PRR11: variants seen among roughly 807,000 people sequenced by gnomAD.
PRR11 encodes proline-rich protein 11.
PRR11 carries 30 observed loss-of-function variants against 45.6 expected under a neutral mutation model. That is an observed-to-expected ratio of 0.66 (90% CI 0.49 to 0.89). PRR11 has a LOEUF of 0.89. PRR11 is among the 40% of genes least tolerant of loss of function. PRR11 has a pLI of 0.00. For synonymous variants in PRR11, 128 were observed against 153.5 expected (o/e 0.83, Z 1.23); for missense variants, 373 against 424.8 (o/e 0.88, Z 1.07).
intron 2 of PRR11, among the ~76,000 whole-genome samples, chr17:59,183,652 C>G (rs1189942606): frequency 6.6e-6 from 1 of 152,128 alleles, no homozygotes; most frequent in Non-Finnish European, 1.5e-5. Flanking sequence ...TCAGGGAGTC[C>G]ATGGATTACC....
chr17:59,184,850 GTTTTTTTTTTT>G lies in PRR11; in HGVS notation c.129-188_129-178del, dbSNP rs5821252. Among the ~76,000 whole-genome samples the G allele has an allele frequency of 8.3e-5, 6 of 72,708 alleles. No individual in the cohort carries two copies. In the South Asian group the frequency reaches 1.7e-3, roughly 20 times the overall value. The allele number at this position is 72,708 out of a possible 152,430, so 47.7% of individuals were successfully genotyped here. On this transcript the variant is annotated intron_variant, in intron 2 of 9. Coordinates refer to ENST00000262293, the MANE Select transcript of PRR11 (RefSeq NM_018304.4). ...CTGGCACACCACCATGCCTGATTAA[GTTTTTTTTTTT>G]TTTTTTTTTTTTTTTGGCAGGGACA...
At position 59,180,730 on chromosome 17, in the gene PRR11, A is replaced by T. The variant is rs1249135185; in HGVS notation, c.129-4324A>T. Reference sequence around the variant, plus strand: ...TATATTGGTCAGGCTGGTCTCGAACAACTGACCTCAGGTGATCCACCCGCC... The same window carrying T: ...TATATTGGTCAGGCTGGTCTCGAACTACTGACCTCAGGTGATCCACCCGCC... On this transcript the variant is annotated intron_variant, in intron 2 of 9. Transcript: ENST00000262293. Among the ~76,000 whole-genome samples, 5 of 149,416 alleles carry T rather than the reference A, an allele frequency of 3.3e-5. 1 individual carries two copies. Among genetic ancestry groups the T allele is most frequent in the African/African-American group, 1.2e-4 (5 of 40,160 alleles).
At chr17:59,173,152 T>A (rs953717693) in intron 2 of PRR11, among the ~76,000 whole-genome samples, 16 of 152,222 alleles carry the variant, frequency 1.1e-4, no homozygotes, top group African/African-American at 3.9e-4. Context: ...GCTAATCTAG[T>A]GGGGACATGG....
chr17:59,173,823 G>T (rs570524389), intron 2 of PRR11, among the ~76,000 whole-genome samples: 1 of 152,148 alleles, frequency 6.6e-6, no homozygotes, highest in Admixed American at 6.6e-5. Flanking sequence ...TAGATGATCT[G>T]CACAAATGGC....
At chr17:59,165,054 T>C (rs575192471) in intron 1 of PRR11, among the ~76,000 whole-genome samples, 3 of 152,246 alleles carry the variant, frequency 2.0e-5, no homozygotes, top group East Asian at 3.9e-4. Context: ...AGAGTCTCGC[T>C]CCGTCGCCCA....
chr17:59,184,903 C>A, intron 2 of PRR11, 151 bp from the exon 3 acceptor site: 1 of 212,514 alleles, frequency 4.7e-6, no homozygotes, highest in East Asian at 8.0e-5. Flanking sequence ...TGCCATGTTG[C>A]CGAGGCTAGT....
chr17:59,195,414 G>A lies in PRR11; in HGVS notation c.828G>A (p.Val276=), dbSNP rs1267992061. 1.2e-6 allele frequency: 2 copies of A among 1,612,550 alleles called. No homozygotes were observed. Among genetic ancestry groups the A allele is most frequent in the Non-Finnish European group, 1.7e-6 (2 of 1,178,700 alleles). Residue 276 remains valine (V), a synonymous_variant, in exon 7 of 10, where the codon GTG becomes GTA. Coordinates refer to ENST00000262293, the MANE Select transcript of PRR11 (RefSeq NM_018304.4). ...QHVTLKPNSK[V]LSTRVTNVLI... is the part of the protein sequence containing the mutation. ...TTACCCTGAAACCTAACTCCAAAGT[G>A]TTATCGACTCGAGTTACAAACGTCT...
rs1191267799 is a variant in PRR11, at chr17:59,180,731, A to C, written c.129-4323A>C. ...ATATTGGTCAGGCTGGTCTCGAACA[A>C]CTGACCTCAGGTGATCCACCCGCCT... On this transcript the variant is annotated intron_variant, in intron 2 of 9. Coordinates refer to ENST00000262293, the MANE Select transcript of PRR11 (RefSeq NM_018304.4). Among the ~76,000 whole-genome samples the C allele has an allele frequency of 3.4e-5, 5 of 148,442 alleles. 1 individual carries two copies. The highest frequency in any genetic ancestry group is 1.3e-4 in the African/African-American group (5 of 39,840).
chr17:59,162,239 CACACACACACA>C (rs2046656320), intron 1 of PRR11, among the ~76,000 whole-genome samples: 3 of 151,786 alleles, frequency 2.0e-5, no homozygotes, highest in Admixed American at 6.6e-5. Flanking sequence ...CACACACACA[CACACACACACA>C]GAGAGAGAGA....
At position 59,169,839 on chromosome 17, in the gene PRR11, C is replaced by A; in HGVS notation, c.87C>A (p.Ser29=). 6.2e-7 allele frequency: 1 copy of A among 1,611,344 alleles called. No individual in the cohort carries two copies. The highest frequency in any genetic ancestry group is 8.5e-7 in the Non-Finnish European group (1 of 1,179,076). The change falls in exon 2 of 10, where the codon TCC becomes TCA. Residue 29 remains serine (S), a synonymous_variant. Transcript: ENST00000262293. ...FKKKEASHFQ[S]KLITPPPPPP... Reference sequence around the variant, plus strand: ...AAAAAGAAGCCTCTCACTTTCAGTCCAAGCTAATTACACCTCCTCCTCCAC... The same window carrying A: ...AAAAAGAAGCCTCTCACTTTCAGTCAAAGCTAATTACACCTCCTCCTCCAC...
chr17:59,156,921 T>C (rs563696214), intron 1 of PRR11, among the ~76,000 whole-genome samples: 5 of 152,240 alleles, frequency 3.3e-5, no homozygotes, highest in African/African-American at 1.2e-4. Context: ...GCCACCACGC[T>C]CGGCCGCAAA....
intron 9 of PRR11, 199 bp downstream of exon 9, chr17:59,197,988 G>A: frequency 1.8e-6 from 1 of 547,066 alleles, no homozygotes; most frequent in Non-Finnish European, 3.3e-6. Context: ...GGTGGTGCAT[G>A]CCTGTAGTTC....
intron 1 of PRR11, among the ~76,000 whole-genome samples, chr17:59,163,355 GA>G (rs2046663283): frequency 6.6e-6 from 1 of 152,142 alleles, no homozygotes; most frequent in Admixed American, 6.5e-5. Context: ...AAAGTGCTGG[GA>G]TTATAGGCAT....
At chr17:59,174,891 T>TCCCC (rs2046734748) in intron 2 of PRR11, 1 of 1,162,672 alleles carries the variant, frequency 8.6e-7, no homozygotes, top group East Asian at 3.1e-5. Flanking sequence ...TACCCCTCCC[T>TCCCC]CCCCTTGTCC....
rs548684652 is a variant in PRR11 at position 59,204,310 on chromosome 17, G to A, written c.*2679G>A. On this transcript the variant is annotated 3_prime_UTR_variant, in exon 10 of 10. Coordinates refer to ENST00000262293, the MANE Select transcript of PRR11 (RefSeq NM_018304.4). ...ACTTGTGAGGCTGAGGTGGGAGGATGGTTTGGGCCCCGGAGGTAGAGGTTG... is the reference window on the plus strand; with the variant it reads ...ACTTGTGAGGCTGAGGTGGGAGGATAGTTTGGGCCCCGGAGGTAGAGGTTG... The A allele has an allele frequency of 1.3e-5, 2 of 149,632 alleles. No individual in the cohort carries two copies. Among genetic ancestry groups the A allele is most frequent in the Non-Finnish European group, 3.0e-5 (2 of 67,688 alleles). 9.3% of individuals were successfully genotyped at this position (149,632 alleles called of 1,614,324 possible).
intron 1 of PRR11, among the ~76,000 whole-genome samples, chr17:59,165,308 CCGCG>C (rs1205119834): frequency 2.0e-5 from 3 of 151,898 alleles, no homozygotes; most frequent in Non-Finnish European, 2.9e-5. Context: ...GCGTGAGCCA[CCGCG>C]CGTCCGGTCT....
At chr17:59,197,378 A>G (rs1212412001) in intron 7 of PRR11, among the ~76,000 whole-genome samples, 166 bp from the exon 8 acceptor site, 11 of 151,640 alleles carry the variant, frequency 7.3e-5, no homozygotes, top group Admixed American at 7.2e-4. Flanking sequence ...CAGCCTCCCG[A>G]GTAGCTGGGA....
Position 59,197,807 on chromosome 17 carries a change from G to T in PRR11, c.1014+18G>T. On this transcript the variant is annotated intron_variant, in intron 9 of 9. Transcript: ENST00000262293. The stretch of plus-strand genomic sequence containing the variant: ...AGTTTCAGGTAACCCTTTAGGAAAA[G>T]AATATTGGTTCCTTTGCTTGAAAAT... 6.2e-7 allele frequency: 1 copy of T among 1,600,656 alleles called. No individual in the cohort carries two copies. Among genetic ancestry groups the T allele is most frequent in the Non-Finnish European group, 8.6e-7 (1 of 1,168,300 alleles).
In PRR11 at chr17:59,184,971, A is replaced by T. The variant is rs2046807012; in HGVS notation, c.129-83A>T. The T allele has an allele frequency of 7.6e-6, 10 of 1,309,510 alleles. No homozygotes were observed. The South Asian group carries it at 1.2e-4, about 16-fold the overall frequency. 81.1% of individuals were successfully genotyped at this position (1,309,510 alleles called of 1,614,324 possible). On this transcript the variant is annotated intron_variant, in intron 2 of 9. Transcript: ENST00000262293. ...CTCAGCCTCCCAAAGTGCTAGCAGT[A>T]GAGGCATGAGCCACCACACCAGGCC...
Sources: allele counts gnomAD v4.1 joint callset (sites outside exome capture counted in the v4.1 genomes callset), GRCh38; gene constraint gnomAD v4.1.1; transcripts MANE v1.5; gene names NCBI Gene and HGNC (gene_info 2026-07-23, HGNC 2026-07-21).